The following SCGN variants were observed in gnomAD, a reference collection of about 807,000 sequenced individuals.
SCGN encodes secretagogin.
A neutral mutation model predicts 39.7 loss-of-function variants in SCGN; 30 were observed. The ratio of observed to expected loss-of-function variants is 0.76; its 90% CI spans 0.57 to 1.03. The LOEUF is 1.03. SCGN is among the 50% of genes least tolerant of loss of function. The pLI is 0.00. For missense variants in SCGN, 353 were observed against 349.4 expected, an observed-to-expected ratio of 1.01 and a Z score of -0.08; for synonymous variants, 106 against 114.1, an observed-to-expected ratio of 0.93 and a Z score of 0.45.
rs1760337406 is a variant in SCGN, at chr6:25,661,543, C to T, written c.154-9C>T. 6.2e-7 allele frequency: 1 copy of T among 1,606,502 alleles called. No individual in the cohort carries two copies. The highest frequency in any genetic ancestry group is 1.3e-5 in the African/African-American group (1 of 74,730). On this transcript the variant is annotated splice_polypyrimidine_tract_variant and intron_variant, in intron 2 of 10. Transcript: ENST00000377961. The stretch of plus-strand genomic sequence containing the variant: ...TGGCTTTAATGTGGCTCTGTTTGGT[C>T]AATTGCAGGACACGGTCATGAAAGC...
intron 10 of SCGN, among the ~76,000 whole-genome samples, chr6:25,692,718 G>A (rs1302283617): frequency 6.6e-6 from 1 of 152,198 alleles, no homozygotes; most frequent in African/African-American, 2.4e-5. Flanking sequence ...GCTGGGCTGA[G>A]GGATTAAGCT....
intron 7 of SCGN, among the ~76,000 whole-genome samples, chr6:25,686,161 T>A (rs1279338049): frequency 6.6e-6 from 1 of 152,228 alleles, no homozygotes; most frequent in African/African-American, 2.4e-5. Flanking sequence ...TTTCACTTTT[T>A]AGAGATTATG....
chr6:25,688,801 C>CA lies in SCGN; in HGVS notation c.528-357dup, dbSNP rs10626691. ...TGGGCGACAGAGAGAGATTCTGTCT[C>CA]AAAAAAAAAAAAAAGATTTTTTTCA... On this transcript the variant is annotated intron_variant, in intron 7 of 10. Coordinates refer to ENST00000377961, the MANE Select transcript of SCGN (RefSeq NM_006998.4). Among the ~76,000 whole-genome samples the CA allele has an allele frequency of 3.1e-3, 321 of 103,028 alleles. 5 individuals carry two copies. The East Asian group carries it at 0.031, about 10-fold the overall frequency. 67.6% of individuals were successfully genotyped at this position (103,028 alleles called of 152,430 possible).
At chr6:25,652,509 C>T (rs772206932) in intron 1 of SCGN, 24 bp downstream of exon 1, 2 of 1,608,502 alleles carry the variant, frequency 1.2e-6, no homozygotes, top group Non-Finnish European at 1.7e-6. Context: ...GCCACTTGCA[C>T]ACTCAGGTGT....
rs1258306773 is a variant in SCGN, at chr6:25,653,554, T to A, written c.153+102T>A. 6.1e-6 allele frequency: 5 copies of A among 819,044 alleles called. No homozygotes were observed. In the East Asian group the frequency reaches 1.0e-4, roughly 17 times the overall value. 50.7% of individuals were successfully genotyped at this position (819,044 alleles called of 1,614,324 possible). ...CCTATTAATTCCAACTCACCTCCTT[T>A]CTTCCTTGCATGTATGTAATTTCTC... On this transcript the variant is annotated intron_variant, in intron 2 of 10. Transcript: ENST00000377961.
At chr6:25,676,503 G>A (rs1759564517) in intron 6 of SCGN, among the ~76,000 whole-genome samples, 1 of 152,142 alleles carries the variant, frequency 6.6e-6, no homozygotes, top group Admixed American at 6.5e-5. Context: ...TGTATGTGCT[G>A]CCACAGGTTC....
intron 10 of SCGN, among the ~76,000 whole-genome samples, chr6:25,695,053 GTT>G (rs1004280661): frequency 5.3e-5 from 8 of 152,116 alleles, no homozygotes; most frequent in African/African-American, 1.7e-4. Flanking sequence ...TTATCTTATA[GTT>G]TTTTAATTCT....
intron 6 of SCGN, among the ~76,000 whole-genome samples, chr6:25,673,304 C>G (rs1759523664): frequency 6.6e-6 from 1 of 152,140 alleles, no homozygotes; most frequent in African/African-American, 2.4e-5. Context: ...CTCCTTTTCC[C>G]CTCCCCCTTA....
chr6:25,664,883 A>G (rs940079195), intron 3 of SCGN, 60 bp from the exon 4 acceptor site: 1 of 1,291,238 alleles, frequency 7.7e-7, no homozygotes, highest in African/African-American at 1.5e-5. Flanking sequence ...TTTACCAGGG[A>G]GCACTCTTGA....
chr6:25,689,500 G>A lies in SCGN; in HGVS notation c.601G>A (p.Asp201Asn). The A allele has an allele frequency of 6.2e-7, 1 of 1,613,896 alleles. No homozygotes were observed. Among genetic ancestry groups the A allele is most frequent in the Non-Finnish European group, 8.5e-7 (1 of 1,179,820 alleles). Residue 201 changes from aspartate to asparagine, a missense_variant, in exon 9 of 11, where the codon GAC becomes AAC. Transcript: ENST00000377961. The part of the protein sequence containing the change: ...DACSTEERKR[D>N]FEKIFAYYDV... ...TTGTTCTACTGAAGAAAGGAAAAGG[G>A]ACTTTGAGAAAATCTTTGCCTACTA...
At chr6:25,696,349 G>T (rs1354245674) in intron 10 of SCGN, among the ~76,000 whole-genome samples, 1 of 151,848 alleles carries the variant, frequency 6.6e-6, no homozygotes, top group African/African-American at 2.4e-5. Context: ...AGGTTATAGT[G>T]AATAATAGAC....
chr6:25,700,930 T>C (rs907882440), intron 10 of SCGN, among the ~76,000 whole-genome samples: 1 of 152,180 alleles, frequency 6.6e-6, no homozygotes, highest in African/African-American at 2.4e-5. Context: ...TTTACTATGG[T>C]TGCTAATAAG....
chr6:25,678,966 T>C (rs1441621002), intron 6 of SCGN: 3 of 152,138 alleles, frequency 2.0e-5, no homozygotes, highest in Non-Finnish European at 4.4e-5. Context: ...TACAATCATG[T>C]TGTTTTTGAA....
rs944106478 is a variant in SCGN, at chr6:25,670,073, C to A, written c.468C>A (p.Thr156=). 2 of 1,607,532 alleles carry A rather than the reference C, an allele frequency of 1.2e-6. No homozygotes were observed. The highest frequency in any genetic ancestry group is 2.7e-5 in the African/African-American group (2 of 74,702). The stretch of plus-strand genomic sequence containing the variant: ...CTAAACTGGAAGAATACACTGGCAC[C>A]ATGGTAAGTAATGAGTAATGTAATC... The part of the protein sequence containing the change: ...SEAKLEEYTG[T]MMKIFDRNKD... Residue 156 remains threonine, a synonymous_variant, in exon 6 of 11, where the codon ACC becomes ACA. Coordinates refer to ENST00000377961, the MANE Select transcript of SCGN (RefSeq NM_006998.4).
chr6:25,663,694 T>A (rs1311844212), intron 3 of SCGN, among the ~76,000 whole-genome samples: 5 of 152,206 alleles, frequency 3.3e-5, no homozygotes, highest in African/African-American at 9.6e-5. Flanking sequence ...TGAACTGCAC[T>A]GCCTCCCATT....
chr6:25,665,134 G>T, intron 4 of SCGN, 102 bp downstream of exon 4: 1 of 875,910 alleles, frequency 1.1e-6, no homozygotes. Flanking sequence ...GTGCTCAAGG[G>T]AGAGCTGAGC....
chr6:25,698,193 A>G (rs936784928), intron 10 of SCGN, among the ~76,000 whole-genome samples: 1 of 152,200 alleles, frequency 6.6e-6, no homozygotes, highest in African/African-American at 2.4e-5. Context: ...GCCCAATATT[A>G]AAAACATAAC....
chr6:25,652,244 C>A lies in SCGN; in HGVS notation c.-160C>A, dbSNP rs1306212755. 3.2e-6 allele frequency: 2 copies of A among 627,008 alleles called. No homozygotes were observed. The highest frequency in any genetic ancestry group is 5.6e-6 in the Non-Finnish European group (2 of 358,060). The allele number at this position is 627,008 out of a possible 1,614,324, so 38.8% of individuals were successfully genotyped here. A position where few individuals can be genotyped will look rare whatever the true frequency, so the allele number is the denominator to read the frequency against. ...AGGGCTGAGGGACGGCTCAGCGACGCCACGGCCAGCAGCGCTCGCGTCCTC... is the reference window on the plus strand; with the variant it reads ...AGGGCTGAGGGACGGCTCAGCGACGACACGGCCAGCAGCGCTCGCGTCCTC... On this transcript the variant is annotated 5_prime_UTR_variant, in exon 1 of 11. Transcript: ENST00000377961.
chr6:25,658,642 A>C (rs983978622), intron 2 of SCGN, among the ~76,000 whole-genome samples: 2 of 152,126 alleles, frequency 1.3e-5, no homozygotes, highest in Non-Finnish European at 2.9e-5. Context: ...TATAACTTTA[A>C]TTTTTTCACA....
Sources: allele counts gnomAD v4.1 joint callset (sites outside exome capture counted in the v4.1 genomes callset), GRCh38; gene constraint gnomAD v4.1.1; transcripts MANE v1.5; gene names NCBI Gene and HGNC (gene_info 2026-07-23, HGNC 2026-07-21).